The following FANCA variants were observed in gnomAD, a reference collection of about 807,000 sequenced individuals.
The protein encoded by FANCA is FA complementation group A, also known as Fanconi anemia group A protein.
Under a neutral mutation model 194.3 loss-of-function variants are expected in FANCA, and 236 were observed. The observed-to-expected ratio is 1.21, with a 90% confidence interval of 1.09 to 1.35. FANCA has a LOEUF of 1.35. Ranked by LOEUF, FANCA falls within the 40% of genes most tolerant of loss-of-function variation. The pLI is 0.00. For synonymous variants in FANCA, 1,014 were observed against 715.8 expected (o/e 1.42, Z -6.65); for missense variants, 2,628 against 1,813.9 (o/e 1.45, Z -8.15).
rs768993894 is a variant in FANCA, at chr16:89,769,997, G to A, written c.2344C>T (p.Leu782=). Residue 782 remains leucine, a synonymous_variant, in exon 26 of 43, where the codon CTG becomes TTG. Coordinates refer to ENST00000389301, the MANE Select transcript of FANCA (RefSeq NM_000135.4). ...TGCACGGCCAGGGCAGCCAACCCCA[G>A]CACATGTGGGGCACTCAGGCTCGGG... ...QGPSLSAPHV[L]GLAALAVHLG... 6 of 1,613,870 alleles carry A rather than the reference G, an allele frequency of 3.7e-6. No individual in the cohort carries two copies. Among genetic ancestry groups the A allele is most frequent in the Non-Finnish European group, 5.1e-6 (6 of 1,180,008 alleles).
intron 14 of FANCA, 146 bp from the exon 15 acceptor site, chr16:89,785,110 A>G (rs2039854024): frequency 2.8e-6 from 2 of 714,012 alleles, no homozygotes; most frequent in Non-Finnish European, 5.1e-6. Flanking sequence ...TGGAGAGAAG[A>G]GTGTGAAGCC....
intron 22 of FANCA, among the ~76,000 whole-genome samples, chr16:89,772,244 G>C (rs1424384974): frequency 6.6e-6 from 1 of 152,222 alleles, no homozygotes; most frequent in Non-Finnish European, 1.5e-5. Flanking sequence ...GGACTCACCT[G>C]ACATGTATCA....
chr16:89,757,139 C>T (rs1323928881), intron 30 of FANCA, among the ~76,000 whole-genome samples: 1 of 152,054 alleles, frequency 6.6e-6, no homozygotes, highest in Non-Finnish European at 1.5e-5. Flanking sequence ...CCATGCCTGG[C>T]TAATTTTTTT....
intron 35 of FANCA, among the ~76,000 whole-genome samples, chr16:89,746,299 G>A (rs2038385298): frequency 6.6e-6 from 1 of 152,218 alleles, no homozygotes; most frequent in South Asian, 2.1e-4. Context: ...CTGCACCCCT[G>A]TGGACATGAA....
intron 42 of FANCA, 81 bp from the exon 43 acceptor site, chr16:89,738,789 C>A (rs750141209): frequency 2.3e-5 from 37 of 1,612,844 alleles, no homozygotes; most frequent in Non-Finnish European, 3.1e-5. Context: ...CAGAAATAGT[C>A]GAGTTGTATT....
chr16:89,770,985 T>C (rs566162031), intron 23 of FANCA, among the ~76,000 whole-genome samples: 1 of 152,054 alleles, frequency 6.6e-6, no homozygotes, highest in Admixed American at 6.6e-5. Flanking sequence ...GTCAACATGA[T>C]GAAACCCTGT....
Position 89,779,989 on chromosome 16 carries a change from A to G in FANCA, c.1627-32T>C, listed in dbSNP as rs17226337. The G allele has an allele frequency of 0.013, 20,653 of 1,592,614 alleles. 504 individuals carry two copies. Among genetic ancestry groups the G allele is most frequent in the South Asian group, 0.084 (7,572 of 90,638 alleles). On this transcript the variant is annotated intron_variant, in intron 17 of 42. Coordinates refer to ENST00000389301, the MANE Select transcript of FANCA (RefSeq NM_000135.4). ...CCCATACAGGGAGGAAAGGAAAAAGAACAGAGGACTTTAAAGAAAAGACTG... is the reference window on the plus strand; with the variant it reads ...CCCATACAGGGAGGAAAGGAAAAAGGACAGAGGACTTTAAAGAAAAGACTG...
chr16:89,761,966 A>G lies in FANCA; in HGVS notation c.2835T>C (p.Ala945=). 6.2e-7 allele frequency: 1 copy of G among 1,614,052 alleles called. No homozygotes were observed. Among genetic ancestry groups the G allele is most frequent in the Non-Finnish European group, 8.5e-7 (1 of 1,179,930 alleles). ...ACACTTACCGTTCAGTATCTGAAAG[A>G]GCATCAGCTTCAGGTTGAATTTCCA... is the stretch of plus-strand genomic sequence containing the variant. The part of the protein sequence containing the change: ...LELEIQPEAD[A]LSDTERQDFH... The change falls in exon 29 of 43, where the codon GCT becomes GCC. Residue 945 remains alanine (A), a synonymous_variant. Coordinates refer to ENST00000389301, the MANE Select transcript of FANCA (RefSeq NM_000135.4).
chr16:89,794,341 GGAGTTCTAGACCA>G (rs1460089904), intron 11 of FANCA, among the ~76,000 whole-genome samples: 1 of 152,044 alleles, frequency 6.6e-6, no homozygotes, highest in Admixed American at 6.6e-5. Context: ...CACAAGGTCA[GGAGTTCTAGACCA>G]GCCTGGCCAA....
chr16:89,777,136 G>A lies in FANCA; in HGVS notation c.1827-1321C>T, dbSNP rs550857516. 3.9e-4 allele frequency among the ~76,000 whole-genome samples: 59 copies of A among 152,130 alleles called. 1 individual carries two copies. Among genetic ancestry groups the A allele is most frequent in the African/African-American group, 1.4e-3 (57 of 41,514 alleles). On this transcript the variant is annotated intron_variant, in intron 20 of 42. Transcript: ENST00000389301. ...GAGGGGGAAGGATTGTTGAAACCCA[G>A]GAGGTCAAGGCTGGCCAGGTGTGGT... is the stretch of plus-strand genomic sequence containing the variant.
At chr16:89,760,441 C>T (rs942531069) in intron 29 of FANCA, among the ~76,000 whole-genome samples, 4 of 152,186 alleles carry the variant, frequency 2.6e-5, no homozygotes, top group South Asian at 4.1e-4. Flanking sequence ...CCCTGATGGC[C>T]GGAAGGACGA....
Position 89,767,235 on chromosome 16 carries a change from A to T in FANCA, c.2507T>A (p.Phe836Tyr), listed in dbSNP as rs142869950. ...TRDSLFFCLK[F>Y]CTAAISYSLC... The stretch of plus-strand genomic sequence containing the variant: ...AGAGTAAGAAATTGCTGCTGTACAA[A>T]ATCTGAAAACAGAAATTATAACATA... The change falls in exon 27 of 43, where the codon TTT (phenylalanine) becomes TAT (tyrosine). Residue 836 changes from phenylalanine (F) to tyrosine (Y), a missense_variant and splice_region_variant. Coordinates refer to ENST00000389301, the MANE Select transcript of FANCA (RefSeq NM_000135.4). 2.1e-5 allele frequency: 33 copies of T among 1,606,348 alleles called. No individual in the cohort carries two copies. The highest frequency in any genetic ancestry group is 1.2e-4 in the Admixed American group (7 of 59,996).
chr16:89,761,424 A>G (rs1032325351), intron 29 of FANCA, among the ~76,000 whole-genome samples: 16 of 151,340 alleles, frequency 1.1e-4, no homozygotes, highest in Non-Finnish European at 1.0e-4. Context: ...GTCTCAGAAA[A>G]AAAAAAAAAA....
chr16:89,812,528 A>C (rs1399780004), intron 3 of FANCA, among the ~76,000 whole-genome samples: 3 of 149,200 alleles, frequency 2.0e-5, no homozygotes, highest in African/African-American at 7.4e-5. Context: ...TGCCTGTAAT[A>C]CCAGCTACTC....
chr16:89,783,607 A>G (rs1428696847), intron 15 of FANCA, among the ~76,000 whole-genome samples: 1 of 151,958 alleles, frequency 6.6e-6, no homozygotes, highest in East Asian at 1.9e-4. Flanking sequence ...CCAGGTGAAA[A>G]ATCAAGAAAC....
intron 3 of FANCA, among the ~76,000 whole-genome samples, chr16:89,811,559 CA>C (rs940208011): frequency 6.6e-6 from 1 of 152,152 alleles, no homozygotes; most frequent in Non-Finnish European, 1.5e-5. Flanking sequence ...CAGCTGTGCT[CA>C]GTCCGCAGGC....
chr16:89,745,018 G>A lies in FANCA; in HGVS notation c.3567C>T (p.Cys1189=), dbSNP rs1286271842. 2 of 1,610,574 alleles carry A rather than the reference G, an allele frequency of 1.2e-6. No homozygotes were observed. The highest frequency in any genetic ancestry group is 1.7e-6 in the Non-Finnish European group (2 of 1,179,866). Residue 1189 remains cysteine (C), a synonymous_variant, in exon 36 of 43, where the codon TGC becomes TGT. Coordinates refer to ENST00000389301, the MANE Select transcript of FANCA (RefSeq NM_000135.4). ...GCAGTTCCCGGGGCAGCGGGCTCTGGCAGTGTCTCCTCCACCGGCAGAGCA... is the reference window on the plus strand; with the variant it reads ...GCAGTTCCCGGGGCAGCGGGCTCTGACAGTGTCTCCTCCACCGGCAGAGCA... ...PVLLCRWRRH[C]QSPLPRELQK...
intron 6 of FANCA, among the ~76,000 whole-genome samples, chr16:89,805,852 G>C (rs2040620615): frequency 1.3e-5 from 2 of 152,048 alleles, no homozygotes; most frequent in African/African-American, 4.8e-5. Flanking sequence ...TTTGTGGTTA[G>C]AGAACATATT....
rs1329682976 is a variant in FANCA, at chr16:89,739,561, A to AC, written c.3935-9dup. The AC allele has an allele frequency of 1.3e-6, 2 of 1,550,956 alleles. No homozygotes were observed. Among genetic ancestry groups the AC allele is most frequent in the East Asian group, 2.4e-5 (1 of 40,926 alleles). ...GCCGCCCCAGCCTGAGGTCTGCAACACCAAGAAGTGGCTCAGGCAACTCTG... is the reference window on the plus strand; with the variant it reads ...GCCGCCCCAGCCTGAGGTCTGCAACACCCAAGAAGTGGCTCAGGCAACTCTG... On this transcript the variant is annotated splice_polypyrimidine_tract_variant and intron_variant, in intron 39 of 42. Transcript: ENST00000389301.
Sources: gnomAD v4.1 joint callset for allele counts (sites outside exome capture counted in the v4.1 genomes callset) on GRCh38, gnomAD v4.1.1 for gene constraint, MANE v1.5 for transcripts, NCBI Gene and HGNC (gene_info 2026-07-23, HGNC 2026-07-21) for gene names.